The following DCP2 variants were observed in gnomAD, a reference collection of about 807,000 sequenced individuals.
The protein encoded by DCP2 is decapping mRNA 2, also known as m7GpppN-mRNA hydrolase.
In DCP2, 30 loss-of-function variants were observed where a neutral mutation model predicts 56.1. The observed-to-expected ratio is 0.53, with a 90% CI of 0.40 to 0.73. The LOEUF (loss-of-function observed/expected upper bound fraction) is 0.73. DCP2 is among the 30% of genes least tolerant of loss of function. The pLI is 0.00. For synonymous variants in DCP2, 197 were observed against 163.3 expected, an observed-to-expected ratio of 1.21 and a Z score of -1.57; for missense variants, 533 against 502.7, an observed-to-expected ratio of 1.06 and a Z score of -0.58.
Position 113,001,459 on chromosome 5 carries a change from C to G in DCP2, c.688C>G (p.Pro230Ala), listed in dbSNP as rs1749173721. ...LAPNKFFMAI[P>A]FIRPLRDWLS... ...ACCTAACAAATTTTTTATGGCCATT[C>G]CCTTTATCAGGTGTGTTCATATTTC... is the stretch of plus-strand genomic sequence containing the variant. The change falls in exon 6 of 11, where the codon CCC becomes GCC. Residue 230 changes from proline to alanine, a missense_variant. Around this residue, in one of 3 missense-constraint regions of DCP2, gnomAD observed 392 missense variants for 346.6 expected, o/e 1.13. Transcript: ENST00000389063. 1 of 1,612,970 alleles carries G rather than the reference C, an allele frequency of 6.2e-7. No homozygotes were observed. The highest frequency in any genetic ancestry group is 8.5e-7 in the Non-Finnish European group (1 of 1,179,250).
intron 8 of DCP2, among the ~76,000 whole-genome samples, chr5:113,007,309 G>A (rs1173174783): frequency 6.6e-6 from 1 of 151,952 alleles, no homozygotes; most frequent in Non-Finnish European, 1.5e-5. Flanking sequence ...TTTACAGAGA[G>A]GTTCCATTTA....
chr5:112,985,696 A>G, intron 1 of DCP2, 139 bp from the exon 2 acceptor site: 1 of 847,010 alleles, frequency 1.2e-6, no homozygotes, highest in Non-Finnish European at 1.8e-6. Context: ...TTTCTCTCAA[A>G]TATTAATTGC....
intron 9 of DCP2, among the ~76,000 whole-genome samples, chr5:113,008,537 C>T (rs1024192779): frequency 2.6e-5 from 4 of 152,166 alleles, no homozygotes; most frequent in Non-Finnish European, 4.4e-5. Context: ...TCATAACTCA[C>T]AGTCTCCTGC....
At position 113,013,289 on chromosome 5, in the gene DCP2, G is replaced by T. The variant is rs745704541; in HGVS notation, c.1100-32G>T. Reference sequence around the variant, plus strand: ...TATTTGATTTCTTACTAAGGTTACTGAGCTTATTTATTTTGTTTTTTCTTT... The same window carrying T: ...TATTTGATTTCTTACTAAGGTTACTTAGCTTATTTATTTTGTTTTTTCTTT... On this transcript the variant is annotated intron_variant, in intron 10 of 10. Transcript: ENST00000389063. The T allele has an allele frequency of 2.5e-6, 4 of 1,591,918 alleles. No individual in the cohort carries two copies. In the Admixed American group the frequency reaches 7.0e-5, roughly 28 times the overall value.
At position 113,020,131 on chromosome 5, in the gene DCP2, A is replaced by T. The variant is rs887819738; in HGVS notation, c.*6647A>T. On this transcript the variant is annotated 3_prime_UTR_variant, in exon 11 of 11. Coordinates refer to ENST00000389063, the MANE Select transcript of DCP2 (RefSeq NM_152624.6). ...ATATTTATGCTGAGTTATGTTAAGC[A>T]AATTATTTTGAGACCTTTTGCTGGT... The T allele has an allele frequency of 6.6e-6, 1 of 152,242 alleles. No individual in the cohort carries two copies. The highest frequency in any genetic ancestry group is 2.1e-4 in the South Asian group (1 of 4,836). 9.4% of individuals were successfully genotyped at this position (152,242 alleles called of 1,614,324 possible).
chr5:113,016,848 T>TG lies in DCP2; in HGVS notation c.*3364_*3365insG, dbSNP rs1749908117. The TG allele has an allele frequency of 6.6e-6, 1 of 150,578 alleles. No homozygotes were observed. The allele number at this position is 150,578 out of a possible 1,614,324, so 9.3% of individuals were successfully genotyped here. ...CCACAATACCCTCTTGGCTTTTTTT[T>TG]TTTTTTTTTTGAGATGGAGTTTCAC... is the stretch of plus-strand genomic sequence containing the variant. On this transcript the variant is annotated 3_prime_UTR_variant, in exon 11 of 11. Transcript: ENST00000389063.
At chr5:112,985,458 T>G (rs535054461) in intron 1 of DCP2, among the ~76,000 whole-genome samples, 1 of 152,334 alleles carries the variant, frequency 6.6e-6, no homozygotes, top group South Asian at 2.1e-4. Flanking sequence ...ATGTGAAGAT[T>G]ATGTAATAGC....
chr5:113,003,834 TAGAC>T, intron 7 of DCP2, 104 bp from the exon 8 acceptor site: 3 of 1,266,336 alleles, frequency 2.4e-6, no homozygotes, highest in South Asian at 1.3e-5. Context: ...GTGGGGAAGA[TAGAC>T]AGTAAATAAG....
chr5:112,993,639 A>C lies in DCP2; in HGVS notation c.432+869A>C, dbSNP rs1007500596. Among the ~76,000 whole-genome samples the C allele has an allele frequency of 9.5e-3, 1,262 of 132,522 alleles. 25 individuals carry two copies. The highest frequency in any genetic ancestry group is 0.032 in the African/African-American group (1,215 of 38,504). 86.9% of individuals were successfully genotyped at this position (132,522 alleles called of 152,430 possible). ...AACACTATCTCAAAAAAAAAAAAAA[A>C]CCAAAAAAAAAAAACCAAAATTTTT... On this transcript the variant is annotated intron_variant, in intron 4 of 10. Transcript: ENST00000389063.
intron 1 of DCP2, among the ~76,000 whole-genome samples, chr5:112,978,103 A>G (rs1163496847): frequency 6.6e-6 from 1 of 151,794 alleles, no homozygotes; most frequent in South Asian, 2.1e-4. Context: ...CAGCCTCCCT[A>G]GCAGCTGGGA....
intron 9 of DCP2, among the ~76,000 whole-genome samples, chr5:113,010,452 T>G (rs1749633299): frequency 6.6e-6 from 1 of 152,142 alleles, no homozygotes; most frequent in Non-Finnish European, 1.5e-5. Context: ...GTGATCCGTT[T>G]GCTTCAGCCT....
At position 112,989,171 on chromosome 5, in the gene DCP2, T is replaced by C. The variant is rs534513053; in HGVS notation, c.206-2950T>C. On this transcript the variant is annotated intron_variant, in intron 2 of 10. Coordinates refer to ENST00000389063, the MANE Select transcript of DCP2 (RefSeq NM_152624.6). Reference sequence around the variant, plus strand: ...GGTAGGATGTGATACAGAAGCACAGTGTTCAGTGGGAACAGAAGAGGGATA... The same window carrying C: ...GGTAGGATGTGATACAGAAGCACAGCGTTCAGTGGGAACAGAAGAGGGATA... Among the ~76,000 whole-genome samples, 4 of 152,276 alleles carry C rather than the reference T, an allele frequency of 2.6e-5. No individual in the cohort carries two copies. In the East Asian group the frequency reaches 5.8e-4, roughly 22 times the overall value.
chr5:112,993,171 C>T (rs1447234209), intron 4 of DCP2, among the ~76,000 whole-genome samples: 1 of 152,108 alleles, frequency 6.6e-6, no homozygotes, highest in Non-Finnish European at 1.5e-5. Flanking sequence ...TGCTGAAAAC[C>T]CAGTAAGGCT....
intron 1 of DCP2, 83 bp downstream of exon 1, chr5:112,977,069 C>G: frequency 8.4e-6 from 9 of 1,074,374 alleles, no homozygotes; most frequent in Non-Finnish European, 1.0e-5. Flanking sequence ...GTCTTCTTCC[C>G]CGCCCACGTC....
rs1750079258 is a variant in DCP2, at chr5:113,020,719, G to C, written c.*7235G>C. 6.6e-6 allele frequency: 1 copy of C among 152,178 alleles called. No homozygotes were observed. The highest frequency in any genetic ancestry group is 1.5e-5 in the Non-Finnish European group (1 of 68,038). 9.4% of individuals were successfully genotyped at this position (152,178 alleles called of 1,614,324 possible). A position where few individuals can be genotyped will look rare whatever the true frequency, so the allele number is the denominator to read the frequency against. On this transcript the variant is annotated 3_prime_UTR_variant, in exon 11 of 11. Coordinates refer to ENST00000389063, the MANE Select transcript of DCP2 (RefSeq NM_152624.6). Reference sequence around the variant, plus strand: ...CTTCCAAAGACCCACTAGAATGTCAGCTGTACTCTGTACTCTCCACTGAGA... The same window carrying C: ...CTTCCAAAGACCCACTAGAATGTCACCTGTACTCTGTACTCTCCACTGAGA...
chr5:113,001,260 G>T (rs1488326139), intron 5 of DCP2, 24 bp downstream of exon 5: 3 of 1,606,002 alleles, frequency 1.9e-6, no homozygotes, highest in African/African-American at 1.3e-5. Flanking sequence ...GTATTTTCAG[G>T]TTACTGGACA....
At chr5:113,010,930 T>C in intron 10 of DCP2, 123 bp downstream of exon 10, 1 of 1,027,520 alleles carries the variant, frequency 9.7e-7, no homozygotes, top group Non-Finnish European at 1.4e-6. Context: ...GCATATGTTC[T>C]GTAGAAAGAG....
At chr5:112,996,284 C>G (rs560929718) in intron 4 of DCP2, among the ~76,000 whole-genome samples, 1 of 152,250 alleles carries the variant, frequency 6.6e-6, no homozygotes, top group East Asian at 1.9e-4. Context: ...GATGGTTATT[C>G]CATTCTTCAT....
rs945648808 is a variant in DCP2, at chr5:113,020,993, T to C, written c.*7509T>C. 2.6e-5 allele frequency: 4 copies of C among 152,172 alleles called. No individual in the cohort carries two copies. The highest frequency in any genetic ancestry group is 2.1e-4 in the South Asian group (1 of 4,830). The allele number at this position is 152,172 out of a possible 1,614,324, so 9.4% of individuals were successfully genotyped here. A position where few individuals can be genotyped will look rare whatever the true frequency, so the allele number is the denominator to read the frequency against. On this transcript the variant is annotated 3_prime_UTR_variant, in exon 11 of 11. Coordinates refer to ENST00000389063, the MANE Select transcript of DCP2 (RefSeq NM_152624.6). ...TTAGCCTGGTTTTCTGCTACTGTTATTTATCATCGTAGGTTCTGAGTTGCT... is the reference window on the plus strand; with the variant it reads ...TTAGCCTGGTTTTCTGCTACTGTTACTTATCATCGTAGGTTCTGAGTTGCT...
Sources: allele counts gnomAD v4.1 joint callset (sites outside exome capture counted in the v4.1 genomes callset), GRCh38; gene constraint gnomAD v4.1.1; regional missense constraint gnomAD v4.1.1; transcripts MANE v1.5; gene names NCBI Gene and HGNC (gene_info 2026-07-23, HGNC 2026-07-21).